Variants in CABCOCO1 observed in about 807,000 individuals in gnomAD.
CABCOCO1 encodes ciliary associated calcium binding coiled-coil 1.
Under a neutral mutation model 35.7 loss-of-function variants are expected in CABCOCO1, and 28 were observed. That is an observed-to-expected ratio of 0.78 (90% CI 0.58 to 1.07). The LOEUF (loss-of-function observed/expected upper bound fraction) is 1.07. Among genes scored for constraint, CABCOCO1 ranks in the 50% least tolerant of loss-of-function variants. The pLI, the probability that CABCOCO1 is intolerant of heterozygous loss-of-function variation, is 0.00. For missense variants in CABCOCO1, 326 were observed against 309.2 expected (o/e 1.05, Z -0.41); for synonymous variants, 95 against 100.1 (o/e 0.95, Z 0.30).
intron 5 of CABCOCO1, among the ~76,000 whole-genome samples, chr10:61,744,162 T>G (rs1032308648): frequency 1.3e-5 from 2 of 152,192 alleles, no homozygotes; most frequent in Non-Finnish European, 2.9e-5. Context: ...ATGAAAGCTT[T>G]AAGTAATTGC....
At chr10:61,673,162 C>T (rs2131957180) in intron 2 of CABCOCO1, among the ~76,000 whole-genome samples, 1 of 152,256 alleles carries the variant, frequency 6.6e-6, no homozygotes, top group Middle Eastern at 3.4e-3. Context: ...TTGCCATCCA[C>T]CTGTGATTCT....
chr10:61,683,240 G>T (rs556138020), intron 3 of CABCOCO1, among the ~76,000 whole-genome samples: 37 of 152,086 alleles, frequency 2.4e-4, no homozygotes, highest in African/African-American at 7.2e-4. Context: ...TTGAAAATAG[G>T]TATTGCAGTA....
chr10:61,667,896 G>A (rs560141868), intron 1 of CABCOCO1, among the ~76,000 whole-genome samples: 1 of 151,860 alleles, frequency 6.6e-6, no homozygotes, highest in Admixed American at 6.6e-5. Flanking sequence ...TCTATAGTGT[G>A]TTGAATTACA....
chr10:61,726,289 A>C (rs985954175), intron 5 of CABCOCO1, among the ~76,000 whole-genome samples: 1 of 152,202 alleles, frequency 6.6e-6, no homozygotes. Flanking sequence ...CATACATCCA[A>C]TATAAGGCTA....
intron 5 of CABCOCO1, among the ~76,000 whole-genome samples, chr10:61,733,943 A>G (rs916799004): frequency 1.3e-5 from 2 of 152,092 alleles, no homozygotes; most frequent in African/African-American, 4.8e-5. Context: ...ATATTGTAGA[A>G]TCCCAAAAGA....
chr10:61,707,146 G>T (rs1564542571), intron 5 of CABCOCO1, among the ~76,000 whole-genome samples: 5 of 152,288 alleles, frequency 3.3e-5, no homozygotes, highest in Admixed American at 3.3e-4. Flanking sequence ...TACTGGGCAG[G>T]AGTAGGTGTA....
At chr10:61,716,270 C>T (rs941289581) in intron 5 of CABCOCO1, among the ~76,000 whole-genome samples, 1 of 152,000 alleles carries the variant, frequency 6.6e-6, no homozygotes, top group South Asian at 2.1e-4. Context: ...TTTAGGATAT[C>T]CTAAATGTGA....
chr10:61,709,487 C>T (rs1840674126), intron 5 of CABCOCO1, among the ~76,000 whole-genome samples: 1 of 151,884 alleles, frequency 6.6e-6, no homozygotes, highest in South Asian at 2.1e-4. Context: ...ATGCCATAGC[C>T]ATAAAAACTC....
rs1032243207 is a variant in CABCOCO1, at chr10:61,669,476, A to G, written c.61-3156A>G. 5.3e-5 allele frequency among the ~76,000 whole-genome samples: 8 copies of G among 151,894 alleles called. No individual in the cohort carries two copies. The South Asian group carries it at 1.7e-3, about 31-fold the overall frequency. On this transcript the variant is annotated intron_variant, in intron 1 of 7. Transcript: ENST00000648843. ...TTAGCTTATTTATGAATTTTCTATTATATCTTTAATTTTTACAAAGCAGAA... is the reference window on the plus strand; with the variant it reads ...TTAGCTTATTTATGAATTTTCTATTGTATCTTTAATTTTTACAAAGCAGAA...
intron 1 of CABCOCO1, among the ~76,000 whole-genome samples, chr10:61,669,903 A>G (rs1251868154): frequency 6.6e-6 from 1 of 152,158 alleles, no homozygotes; most frequent in Non-Finnish European, 1.5e-5. Flanking sequence ...TGTGTGTATT[A>G]AAACACATAA....
intron 5 of CABCOCO1, among the ~76,000 whole-genome samples, chr10:61,711,655 C>T (rs1305233600): frequency 1.3e-5 from 2 of 151,864 alleles, no homozygotes; most frequent in African/African-American, 4.8e-5. Context: ...AGGAGAACAA[C>T]AGAAAACATT....
At chr10:61,689,540 T>C (rs911251806) in intron 4 of CABCOCO1, among the ~76,000 whole-genome samples, 2 of 152,190 alleles carry the variant, frequency 1.3e-5, no homozygotes, top group African/African-American at 4.8e-5. Flanking sequence ...GATTTCTTCA[T>C]TGATTTCAAA....
chr10:61,760,680 T>G (rs970137864), intron 6 of CABCOCO1, among the ~76,000 whole-genome samples, 183 bp from the exon 7 acceptor site: 2 of 151,992 alleles, frequency 1.3e-5, no homozygotes, highest in Non-Finnish European at 2.9e-5. Context: ...AGATGACAGG[T>G]TGATAGGTGC....
intron 5 of CABCOCO1, among the ~76,000 whole-genome samples, chr10:61,699,223 T>C (rs1317291009): frequency 2.6e-5 from 4 of 152,170 alleles, no homozygotes. Flanking sequence ...AGAAAATGGT[T>C]GATGCTTGGA....
intron 5 of CABCOCO1, among the ~76,000 whole-genome samples, chr10:61,742,026 T>C (rs181064626): frequency 4.6e-5 from 7 of 152,142 alleles, no homozygotes; most frequent in Admixed American, 4.6e-4. Flanking sequence ...GTAATGGCTG[T>C]GGTCTGAGTC....
At chr10:61,738,689 T>C (rs10821921) in intron 5 of CABCOCO1, among the ~76,000 whole-genome samples, 25,186 of 152,232 alleles carry the variant, frequency 0.17, 2,614 homozygotes, top group East Asian at 0.55. Flanking sequence ...GTCTACATTA[T>C]GTCTTAACAA....
chr10:61,755,491 C>A lies in CABCOCO1; in HGVS notation c.553-4568C>A, dbSNP rs192535354. 4.6e-3 allele frequency among the ~76,000 whole-genome samples: 697 copies of A among 152,170 alleles called. 4 individuals carry two copies. The highest frequency in any genetic ancestry group is 6.8e-3 in the Non-Finnish European group (460 of 67,958). ...ACATTTTATACTAAGTTCTGATTTA[C>A]ATATGAAGTCATCATCTGACAATTC... On this transcript the variant is annotated intron_variant, in intron 5 of 7. Transcript: ENST00000648843.
chr10:61,701,868 T>A, intron 5 of CABCOCO1: 1 of 900,466 alleles, frequency 1.1e-6, no homozygotes, highest in Non-Finnish European at 1.3e-6. Context: ...TCTAAAGGAC[T>A]AGCAAGATAA....
In CABCOCO1 at chr10:61,740,725, G is replaced by GA. The variant is rs374723076; in HGVS notation, c.553-19327dup. On this transcript the variant is annotated intron_variant, in intron 5 of 7. Transcript: ENST00000648843. ...AATTGACTTATTTACTGAGAACTGA[G>GA]AAAAAAATTAAAATATAGTGGAATA... 2.0e-5 allele frequency among the ~76,000 whole-genome samples: 3 copies of GA among 151,612 alleles called. No individual in the cohort carries two copies. The East Asian group carries it at 5.8e-4, about 29-fold the overall frequency.
Sources: allele counts gnomAD v4.1 joint callset (sites outside exome capture counted in the v4.1 genomes callset), GRCh38; gene constraint gnomAD v4.1.1; transcripts MANE v1.5; gene names NCBI Gene and HGNC (gene_info 2026-07-23, HGNC 2026-07-21).